The following CNTN4 variants were observed in gnomAD, a reference collection of about 807,000 sequenced individuals.
CNTN4 encodes the protein contactin 4, also known as contactin-4.
A neutral mutation model predicts 122.5 loss-of-function variants in CNTN4; 77 were observed. The ratio of observed to expected loss-of-function variants is 0.63; its 90% CI spans 0.52 to 0.76. The LOEUF is 0.76. CNTN4 is among the 30% of genes least tolerant of loss of function. CNTN4 has a pLI of 0.00. For missense variants in CNTN4, 1,256 were observed against 1,259.1 expected (o/e 1.00, Z 0.04); for synonymous variants, 512 against 447.0 (o/e 1.15, Z -1.83).
At chr3:2,412,563 T>G in intron 3 of CNTN4, among the ~76,000 whole-genome samples, 1 of 152,148 alleles carries the variant, frequency 6.6e-6, no homozygotes, top group East Asian at 1.9e-4. Context: ...CAGTCAACAG[T>G]TCTCGTGTCA....
At chr3:2,687,394 C>T (rs1361184793) in intron 4 of CNTN4, among the ~76,000 whole-genome samples, 1 of 77,458 alleles carries the variant, frequency 1.3e-5, no homozygotes, top group East Asian at 4.0e-4. Context: ...AGCACTGTGG[C>T]TCGTGCCTGC....
At chr3:2,887,984 T>A (rs2093997633) in intron 10 of CNTN4, among the ~76,000 whole-genome samples, 1 of 152,210 alleles carries the variant, frequency 6.6e-6, no homozygotes, top group Admixed American at 6.5e-5. Context: ...AAACAAATAC[T>A]ATAGATTGAT....
rs368351002 is a variant in CNTN4, at chr3:2,557,771, A to G, written c.-88-13645A>G. Reference sequence around the variant, plus strand: ...GTCTCAAAAAAAAAAAAAAAAATGCATGGTAATCTTGGTTCTTTTCATACC... The same window carrying G: ...GTCTCAAAAAAAAAAAAAAAAATGCGTGGTAATCTTGGTTCTTTTCATACC... On this transcript the variant is annotated intron_variant, in intron 3 of 24. Transcript: ENST00000418658. Among the ~76,000 whole-genome samples, 48 of 151,714 alleles carry G rather than the reference A, an allele frequency of 3.2e-4. 1 individual carries two copies. The East Asian group carries it at 7.6e-3, about 24-fold the overall frequency.
At chr3:2,977,085 T>A (rs1243212307) in intron 13 of CNTN4, among the ~76,000 whole-genome samples, 1 of 152,218 alleles carries the variant, frequency 6.6e-6, no homozygotes, top group African/African-American at 2.4e-5. Context: ...TTTATCTCTG[T>A]CTCTTCATTG....
At chr3:2,823,800 G>T (rs2092928106) in intron 7 of CNTN4, among the ~76,000 whole-genome samples, 1 of 152,170 alleles carries the variant, frequency 6.6e-6, no homozygotes, top group Non-Finnish European at 1.5e-5. Context: ...TTCATCAAGA[G>T]AGGTTTTTGT....
intron 2 of CNTN4, among the ~76,000 whole-genome samples, chr3:2,166,321 A>G (rs945880094): frequency 5.3e-5 from 8 of 151,884 alleles, no homozygotes; most frequent in Non-Finnish European, 1.0e-4. Context: ...ATTATTTTTG[A>G]TAATAATTAT....
intron 6 of CNTN4, among the ~76,000 whole-genome samples, chr3:2,748,815 T>A (rs2089938013): frequency 6.6e-6 from 1 of 152,234 alleles, no homozygotes; most frequent in African/African-American, 2.4e-5. Context: ...AAAATGTAAA[T>A]TAGATCATTC....
chr3:2,163,232 T>C (rs1232735015), intron 2 of CNTN4, among the ~76,000 whole-genome samples: 1 of 152,076 alleles, frequency 6.6e-6, no homozygotes, highest in African/African-American at 2.4e-5. Flanking sequence ...CAACAAAGCA[T>C]ACAAAAGCAT....
chr3:2,583,817 A>G (rs1474060538), intron 4 of CNTN4, among the ~76,000 whole-genome samples: 1 of 152,124 alleles, frequency 6.6e-6, no homozygotes, highest in Non-Finnish European at 1.5e-5. Context: ...TTAGTCCATG[A>G]ATTTAAGGAG....
chr3:2,748,311 C>T (rs759786240), intron 6 of CNTN4, among the ~76,000 whole-genome samples: 2 of 152,206 alleles, frequency 1.3e-5, no homozygotes, highest in Non-Finnish European at 2.9e-5. Flanking sequence ...TGCTACCCAA[C>T]CACGTTGTTT....
At chr3:2,274,382 AAAACAAACAAAC>A (rs139284831) in intron 2 of CNTN4, among the ~76,000 whole-genome samples, 1,915 of 151,024 alleles carry the variant, frequency 0.013, 24 homozygotes, top group Non-Finnish European at 0.022. Flanking sequence ...GACTCCATCA[AAAACAAACAAAC>A]AAACAAACAA....
At chr3:2,670,035 AGT>A (rs1374969326) in intron 4 of CNTN4, among the ~76,000 whole-genome samples, 6 of 152,152 alleles carry the variant, frequency 3.9e-5, no homozygotes, top group Non-Finnish European at 5.9e-5. Context: ...TTTTGGAATA[AGT>A]GTGATGTGGT....
At chr3:2,458,226 A>G (rs1559570197) in intron 3 of CNTN4, among the ~76,000 whole-genome samples, 1 of 152,172 alleles carries the variant, frequency 6.6e-6, no homozygotes, top group Non-Finnish European at 1.5e-5. Context: ...CTGTGCTACA[A>G]TGAATTAAAC....
At chr3:3,050,303 CTA>C (rs1195607467) in intron 23 of CNTN4, among the ~76,000 whole-genome samples, 1 of 152,102 alleles carries the variant, frequency 6.6e-6, no homozygotes, top group Non-Finnish European at 1.5e-5. Flanking sequence ...AAAAATAACA[CTA>C]TGACAGCCAA....
chr3:2,621,961 T>G (rs1198935123), intron 4 of CNTN4, among the ~76,000 whole-genome samples: 1 of 152,182 alleles, frequency 6.6e-6, no homozygotes, highest in Non-Finnish European at 1.5e-5. Context: ...ATATCCAGAC[T>G]CGGTGTGCTC....
intron 3 of CNTN4, among the ~76,000 whole-genome samples, chr3:2,386,458 C>A: frequency 6.6e-6 from 1 of 152,188 alleles, no homozygotes; most frequent in East Asian, 1.9e-4. Flanking sequence ...TCCTAGAATG[C>A]CAATAGCTGG....
intron 2 of CNTN4, among the ~76,000 whole-genome samples, chr3:2,240,293 T>C (rs2039880184): frequency 6.6e-6 from 1 of 152,200 alleles, no homozygotes; most frequent in African/African-American, 2.4e-5. Context: ...TCCGTTCCTT[T>C]AGTTAAAACG....
chr3:3,053,858 A>G lies in CNTN4; in HGVS notation c.2863A>G (p.Lys955Glu). 1 of 1,614,240 alleles carries G rather than the reference A, an allele frequency of 6.2e-7. No homozygotes were observed. The highest frequency in any genetic ancestry group is 8.5e-7 in the Non-Finnish European group (1 of 1,180,034). ...CAGCACATCTGTCATTGAAACAAAT[A>G]AAACATCGGTGGAGCTTTCTTTGCC... is the stretch of plus-strand genomic sequence containing the variant. ...QSSTSVIETN[K>E]TSVELSLPFD... Residue 955 changes from lysine to glutamate, a missense_variant, in exon 24 of 25, where the codon AAA (lysine) becomes GAA (glutamate). Lys to Glu is a moderately conservative substitution (Grantham distance 56, BLOSUM62 1). Coordinates refer to ENST00000418658, the MANE Select transcript of CNTN4 (RefSeq NM_175607.3).
chr3:2,108,160 C>G (rs943029487), intron 2 of CNTN4, among the ~76,000 whole-genome samples: 3 of 134,254 alleles, frequency 2.2e-5, no homozygotes, highest in Non-Finnish European at 3.2e-5. Flanking sequence ...TTTCATGTGC[C>G]TTTTCTTTTT....
Sources: allele counts gnomAD v4.1 joint callset (sites outside exome capture counted in the v4.1 genomes callset), GRCh38; gene constraint gnomAD v4.1.1; transcripts MANE v1.5; gene names NCBI Gene and HGNC (gene_info 2026-07-23, HGNC 2026-07-21).